Variants in ANKZF1 observed in about 807,000 individuals in gnomAD.
The protein encoded by ANKZF1 is tRNA endonuclease ANKZF1.
Under a neutral mutation model 86.0 loss-of-function variants are expected in ANKZF1, and 84 were observed. The ratio of observed to expected loss-of-function variants is 0.98; its 90% CI spans 0.82 to 1.17. ANKZF1 has a LOEUF of 1.17. ANKZF1 is among the 50% of genes most tolerant of loss of function. The probability of loss-of-function intolerance (pLI) is 0.00; values close to 1 mark genes in which losing one functional copy is unlikely to be tolerated. For synonymous variants in ANKZF1, 331 were observed against 354.2 expected, an observed-to-expected ratio of 0.93 and a Z score of 0.74; for missense variants, 893 against 918.4, an observed-to-expected ratio of 0.97 and a Z score of 0.36.
At chr2:219,233,032 C>G (rs199958986) in intron 5 of ANKZF1, 47 bp from the exon 6 acceptor site, 498 of 1,553,628 alleles carry the variant, frequency 3.2e-4, no homozygotes, top group Non-Finnish European at 3.8e-4. Flanking sequence ...GTTTCTTGCT[C>G]TCAGTGAATG....
In ANKZF1 at chr2:219,235,999, G is replaced by A; in HGVS notation, c.1972-11G>A. ...TGGGGCCTTGTCCTTAACACAACTT[G>A]TCTCCCTCAGAGAGCTCTGGCTGCA... is the stretch of plus-strand genomic sequence containing the variant. On this transcript the variant is annotated splice_polypyrimidine_tract_variant and intron_variant, in intron 12 of 13. Transcript: ENST00000323348. 3 of 1,614,196 alleles carry A rather than the reference G, an allele frequency of 1.9e-6. No individual in the cohort carries two copies. The highest frequency in any genetic ancestry group is 2.5e-6 in the Non-Finnish European group (3 of 1,180,042).
chr2:219,235,741 C>A lies in ANKZF1; in HGVS notation c.1837C>A (p.Arg613=), dbSNP rs76130952. The change falls in exon 12 of 14, where the codon CGG becomes AGG. Residue 613 remains arginine, a synonymous_variant. Transcript: ENST00000323348. ...PGPLTPEMEA[R]QATRKREQKA... ...ACCATTGACACCAGAAATGGAGGCA[C>A]GGCAGGCTACACGGAAAAGGGAGCA... is the stretch of plus-strand genomic sequence containing the variant. The A allele has an allele frequency of 6.2e-7, 1 of 1,613,994 alleles. No homozygotes were observed. The highest frequency in any genetic ancestry group is 1.3e-5 in the African/African-American group (1 of 74,912).
Position 219,234,147 on chromosome 2 carries a change from G to GA in ANKZF1, c.1065dup (p.Ala356SerfsTer23). The GA allele has an allele frequency of 1.9e-6, 3 of 1,611,600 alleles. No homozygotes were observed. The highest frequency in any genetic ancestry group is 2.5e-6 in the Non-Finnish European group (3 of 1,179,466). On this transcript the variant is annotated frameshift_variant, in exon 9 of 14. Transcript: ENST00000323348. LOFTEE classifies it high-confidence loss of function. ...TTTTATGGCAGAAGAAGACCCTCGG[G>GA]AAGCAGTCAGACTGCACTCACCTCA...
chr2:219,234,092 TCC>T (rs1951130323), intron 8 of ANKZF1, 39 bp from the exon 9 acceptor site: 13 of 1,590,336 alleles, frequency 8.2e-6, no homozygotes, highest in African/African-American at 1.4e-5. Flanking sequence ...CGCTAGCTTC[TCC>T]TCAGCTAAGG....
chr2:219,233,535 A>G (rs1951109561), intron 7 of ANKZF1, 102 bp downstream of exon 7: 1 of 1,445,084 alleles, frequency 6.9e-7, no homozygotes, highest in Admixed American at 2.7e-5. Context: ...ATATCCTTCC[A>G]ATTTTCATTA....
intron 2 of ANKZF1, chr2:219,231,502 C>G: frequency 5.3e-6 from 1 of 186,954 alleles, no homozygotes; most frequent in South Asian, 8.8e-5. Flanking sequence ...TCATGCCGTT[C>G]TCCTGCCTCA....
Position 219,230,218 on chromosome 2 carries a change from T to C in ANKZF1, c.-30-10T>C, listed in dbSNP as rs1156403901. 6.3e-7 allele frequency: 1 copy of C among 1,599,126 alleles called. No individual in the cohort carries two copies. The highest frequency in any genetic ancestry group is 1.1e-5 in the South Asian group (1 of 90,128). On this transcript the variant is annotated splice_polypyrimidine_tract_variant and intron_variant, in intron 1 of 13. Coordinates refer to ENST00000323348, the MANE Select transcript of ANKZF1 (RefSeq NM_018089.3). ...CAGGAGCCCTGTTTCTTACACGCTT[T>C]CTACTCCAGGAGCTGCTGCTAAATA...
In ANKZF1 at chr2:219,235,598, AG is replaced by A. The variant is rs1160645112; in HGVS notation, c.1803+15del. The A allele has an allele frequency of 6.2e-7, 1 of 1,613,932 alleles. No individual in the cohort carries two copies. The highest frequency in any genetic ancestry group is 8.5e-7 in the Non-Finnish European group (1 of 1,179,892). On this transcript the variant is annotated intron_variant, in intron 11 of 13. Transcript: ENST00000323348. Reference sequence around the variant, plus strand: ...CAACAAGGCTCAGGTCATCTGGAATAGGAAGGACAAGCAGAGTGGGAAGGCA... The same window carrying A: ...CAACAAGGCTCAGGTCATCTGGAATAGAAGGACAAGCAGAGTGGGAAGGCA...
At position 219,232,304 on chromosome 2, in the gene ANKZF1, A is replaced by T; in HGVS notation, c.306A>T (p.Gln102His). The change falls in exon 4 of 14, where the codon CAA becomes CAT. Residue 102 changes from glutamine (Q) to histidine (H), a missense_variant. Transcript: ENST00000323348. ...ACTGGCATCGGTTTAACCTAAAGCA[A>T]CGTCTCAAGGACAAGCCTCTCCTGT... The part of the protein sequence containing the change: ...KLDWHRFNLK[Q>H]RLKDKPLLSA... 1 of 1,614,264 alleles carries T rather than the reference A, an allele frequency of 6.2e-7. No individual in the cohort carries two copies. Among genetic ancestry groups the T allele is most frequent in the Admixed American group, 1.7e-5 (1 of 60,026 alleles).
At chr2:219,230,578 A>C in intron 2 of ANKZF1, 173 bp downstream of exon 2, 1 of 858,996 alleles carries the variant, frequency 1.2e-6, no homozygotes. Flanking sequence ...CTTGTTTTCA[A>C]ACAAGTCTTT....
chr2:219,230,328 C>G lies in ANKZF1; in HGVS notation c.71C>G (p.Pro24Arg). 6.2e-7 allele frequency: 1 copy of G among 1,614,088 alleles called. No individual in the cohort carries two copies. Among genetic ancestry groups the G allele is most frequent in the African/African-American group, 1.3e-5 (1 of 75,052 alleles). ...CTGTTTGACCTCAGCGCGGATGCTCCGGTCTTTCAGGGCCTGAGCCTGGTG... is the reference window on the plus strand; with the variant it reads ...CTGTTTGACCTCAGCGCGGATGCTCGGGTCTTTCAGGGCCTGAGCCTGGTG... Reference protein sequence around the residue: ...ISLFDLSADAPVFQGLSLVSH... With the variant: ...ISLFDLSADARVFQGLSLVSH... Residue 24 changes from proline (P) to arginine (R), a missense_variant, in exon 2 of 14, where the codon CCG becomes CGG. Coordinates refer to ENST00000323348, the MANE Select transcript of ANKZF1 (RefSeq NM_018089.3).
At chr2:219,233,625 C>A in intron 7 of ANKZF1, 90 bp from the exon 8 acceptor site, 1 of 1,452,412 alleles carries the variant, frequency 6.9e-7, no homozygotes, top group Non-Finnish European at 9.3e-7. Flanking sequence ...CTACTTTCCA[C>A]CCCTTGCACT....
chr2:219,234,889 G>A lies in ANKZF1; in HGVS notation c.1268G>A (p.Gly423Glu), dbSNP rs889794776. 3.7e-6 allele frequency: 6 copies of A among 1,614,040 alleles called. 1 individual carries two copies. The South Asian group carries it at 5.5e-5, about 15-fold the overall frequency. Residue 423 changes from glycine (G) to glutamate (E), a missense_variant, in exon 10 of 14, where the codon GGG becomes GAG. Physicochemically the swap from Gly to Glu is moderately conservative, Grantham distance 98 (BLOSUM62 -2). Transcript: ENST00000323348. Reference sequence around the variant, plus strand: ...TTGGAGCTAGTGGAGTTGACTGTGGGGACTCTGGATCTTTGTGAGTCTGAA... The same window carrying A: ...TTGGAGCTAGTGGAGTTGACTGTGGAGACTCTGGATCTTTGTGAGTCTGAA... ...VELELVELTVGTLDLCESEVL... is the reference protein window; with the variant it reads ...VELELVELTVETLDLCESEVL...
chr2:219,230,660 A>G, intron 2 of ANKZF1: 1 of 370,176 alleles, frequency 2.7e-6, no homozygotes, highest in Non-Finnish European at 4.8e-6. Flanking sequence ...TAGAGATAAA[A>G]TTCTCAGATG....
Position 219,235,191 on chromosome 2 carries a change from C to G in ANKZF1, c.1570C>G (p.Leu524Val). 3 of 1,614,122 alleles carry G rather than the reference C, an allele frequency of 1.9e-6. No individual in the cohort carries two copies. Among genetic ancestry groups the G allele is most frequent in the East Asian group, 2.2e-5 (1 of 44,874 alleles). The part of the protein sequence containing the change: ...LAPSPADPRV[L>V]SLLSAPLGSG... Reference sequence around the variant, plus strand: ...TCCCAGCCCTGCAGACCCTAGAGTTCTGTCTCTGCTCAGTGCCCCCTTGGG... The same window carrying G: ...TCCCAGCCCTGCAGACCCTAGAGTTGTGTCTCTGCTCAGTGCCCCCTTGGG... Residue 524 changes from leucine (L) to valine (V), a missense_variant, in exon 10 of 14, where the codon CTG becomes GTG. Leu to Val is a conservative substitution (Grantham distance 32). Coordinates refer to ENST00000323348, the MANE Select transcript of ANKZF1 (RefSeq NM_018089.3).
At chr2:219,230,009 G>A (rs1027689013) in intron 1 of ANKZF1, 109 bp downstream of exon 1, 10 of 429,520 alleles carry the variant, frequency 2.3e-5, no homozygotes, top group Non-Finnish European at 1.3e-5. Context: ...AACTCTGTTG[G>A]ACTCGATTTG....
chr2:219,233,150 C>A lies in ANKZF1; in HGVS notation c.630C>A (p.Leu210=). 3 of 1,614,218 alleles carry A rather than the reference C, an allele frequency of 1.9e-6. No individual in the cohort carries two copies. Among genetic ancestry groups the A allele is most frequent in the Non-Finnish European group, 2.5e-6 (3 of 1,180,040 alleles). The stretch of plus-strand genomic sequence containing the variant: ...GAGGTCCCAGAGACTGCGTGGTGCT[C>A]ATGGCTGCAGCTGGGCACTTTGCTG... ...QSRGPRDCVV[L]MAAAGHFAGA... is the part of the protein sequence containing the mutation. Residue 210 remains leucine, a synonymous_variant, in exon 6 of 14, where the codon CTC becomes CTA. Transcript: ENST00000323348.
chr2:219,235,628 C>A, intron 11 of ANKZF1, 43 bp downstream of exon 11: 1 of 1,612,880 alleles, frequency 6.2e-7, no homozygotes, highest in Non-Finnish European at 8.5e-7. Flanking sequence ...GAAGGCATCA[C>A]AGATCCTGGC....
At chr2:219,236,232 A>C (rs1235183620) in intron 13 of ANKZF1, 90 bp from the exon 14 acceptor site, 2 of 1,607,740 alleles carry the variant, frequency 1.2e-6, no homozygotes, top group Non-Finnish European at 1.7e-6. Flanking sequence ...GCTGCAGTGA[A>C]AACAGAAATG....
Sources: gnomAD v4.1 joint callset for allele counts on GRCh38, gnomAD v4.1.1 for gene constraint, MANE v1.5 for transcripts, NCBI Gene and HGNC (gene_info 2026-07-23, HGNC 2026-07-21) for gene names.